Variants in KIF1B observed in about 807,000 individuals in gnomAD.
KIF1B encodes the protein kinesin family member 1B, also known as kinesin-like protein KIF1B.
In KIF1B, 76 loss-of-function variants were observed where a neutral mutation model predicts 241.9. That is an observed-to-expected ratio of 0.31 (90% CI 0.26 to 0.38). The LOEUF (loss-of-function observed/expected upper bound fraction) is 0.38. KIF1B is among the 10% of genes least tolerant of loss of function. The probability of loss-of-function intolerance (pLI) is 1.00; values close to 1 mark genes in which losing one functional copy is unlikely to be tolerated. For synonymous variants in KIF1B, 750 were observed against 796.7 expected (o/e 0.94, Z 0.99); for missense variants, 1,622 against 2,271.4 (o/e 0.71, Z 5.81).
intron 10 of KIF1B, 31 bp downstream of exon 10, chr1:10,273,062 A>G (rs1001108411): frequency 1.3e-6 from 2 of 1,514,150 alleles, no homozygotes; most frequent in Non-Finnish European, 1.8e-6. Context: ...GATAAACTAG[A>G]ATTGACTTTT....
intron 9 of KIF1B, among the ~76,000 whole-genome samples, chr1:10,272,654 A>G (rs896670126): frequency 1.3e-5 from 2 of 149,250 alleles, no homozygotes; most frequent in Non-Finnish European, 3.0e-5. Context: ...AAGATGCAGT[A>G]TCTTTTGGAG....
At chr1:10,215,769 T>A (rs1295815773) in intron 1 of KIF1B, among the ~76,000 whole-genome samples, 3 of 151,860 alleles carry the variant, frequency 2.0e-5, no homozygotes, top group African/African-American at 7.3e-5. Flanking sequence ...CCCAGCCTGG[T>A]CTTGAACTCC....
In KIF1B at chr1:10,317,028, TG is replaced by T. The variant is rs1366153498; in HGVS notation, c.2116-3012del. ...CCTGGGCTCCAGGGATCCCAGGGGCTGGGCATGGTGGCTCACACCTGTAATC... is the reference window on the plus strand; with the variant it reads ...CCTGGGCTCCAGGGATCCCAGGGGCTGGCATGGTGGCTCACACCTGTAATC... On this transcript the variant is annotated intron_variant, in intron 22 of 48. Coordinates refer to ENST00000676179, the MANE Select transcript of KIF1B (RefSeq NM_001365951.3). Among the ~76,000 whole-genome samples the T allele has an allele frequency of 3.3e-5, 5 of 151,522 alleles. 1 individual carries two copies. The highest frequency in any genetic ancestry group is 9.8e-5 in the African/African-American group (4 of 40,848).
At chr1:10,318,059 C>T (rs751114071) in intron 22 of KIF1B, among the ~76,000 whole-genome samples, 3 of 151,154 alleles carry the variant, frequency 2.0e-5, no homozygotes, top group Non-Finnish European at 4.4e-5. Flanking sequence ...CAAACCCAAG[C>T]CTCTTACCAG....
intron 28 of KIF1B, among the ~76,000 whole-genome samples, chr1:10,336,337 C>T (rs1652176639): frequency 1.3e-5 from 2 of 152,088 alleles, no homozygotes; most frequent in South Asian, 4.1e-4. Flanking sequence ...TTAGTAGAGA[C>T]GGGGTTTCAC....
intron 37 of KIF1B, among the ~76,000 whole-genome samples, chr1:10,349,945 A>G (rs1652728684): frequency 6.6e-6 from 1 of 152,250 alleles, no homozygotes; most frequent in South Asian, 2.1e-4. Flanking sequence ...TGAAATAACA[A>G]GATTTAGCAG....
chr1:10,319,597 T>C (rs1651445546), intron 22 of KIF1B, among the ~76,000 whole-genome samples: 1 of 152,196 alleles, frequency 6.6e-6, no homozygotes, highest in African/African-American at 2.4e-5. Context: ...TTTTTTTCCT[T>C]CCAAAGAGTT....
At chr1:10,269,429 C>T (rs374786930) in intron 7 of KIF1B, among the ~76,000 whole-genome samples, 9 of 151,362 alleles carry the variant, frequency 5.9e-5, no homozygotes, top group East Asian at 5.8e-4. Flanking sequence ...GCAGGAGAAT[C>T]GCTTGAACCC....
At chr1:10,347,118 A>C (rs1349295572) in intron 35 of KIF1B, among the ~76,000 whole-genome samples, 1 of 152,226 alleles carries the variant, frequency 6.6e-6, no homozygotes, top group Non-Finnish European at 1.5e-5. Flanking sequence ...TTGTAAAAAC[A>C]CAAATGAAAG....
Position 10,320,071 on chromosome 1 carries a change from A to G in KIF1B, c.2144A>G (p.Gln715Arg), listed in dbSNP as rs1446957081. The G allele has an allele frequency of 1.2e-6, 2 of 1,613,656 alleles. No homozygotes were observed. The highest frequency in any genetic ancestry group is 2.2e-5 in the East Asian group (1 of 44,862). The part of the protein sequence containing the change: ...LDYESKLQAL[Q>R]KQVETRSLAA... ...TATGAGAGTAAATTGCAGGCCTTGC[A>G]GAAGCAGGTTGAAACCCGATCTCTG... The change falls in exon 23 of 49, where the codon CAG (glutamine) becomes CGG (arginine). Residue 715 changes from glutamine (Q) to arginine (R), a missense_variant. By Grantham distance (43) the Gln-to-Arg change is conservative. This residue lies in a region of KIF1B where 803 missense variants were observed against 1,112.0 expected (regional missense o/e 0.72). Coordinates refer to ENST00000676179, the MANE Select transcript of KIF1B (RefSeq NM_001365951.3).
intron 17 of KIF1B, among the ~76,000 whole-genome samples, chr1:10,294,872 T>A (rs1014614588): frequency 6.6e-6 from 1 of 152,082 alleles, no homozygotes; most frequent in East Asian, 1.9e-4. Flanking sequence ...ATTAATTAAT[T>A]AATTAAAATA....
intron 33 of KIF1B, 61 bp downstream of exon 33, chr1:10,342,229 G>A: frequency 9.8e-7 from 1 of 1,023,278 alleles, no homozygotes; most frequent in Non-Finnish European, 1.6e-6. Context: ...TTTCTCAATT[G>A]CTGGAAAGGA....
intron 22 of KIF1B, among the ~76,000 whole-genome samples, chr1:10,317,785 C>T (rs1651362824): frequency 6.7e-6 from 1 of 149,858 alleles, no homozygotes; most frequent in African/African-American, 2.5e-5. Context: ...GAGCCGAGAT[C>T]GCATCACTGC....
rs559307941 is a variant in KIF1B, at chr1:10,336,976, A to G, written c.3130-98A>G. The stretch of plus-strand genomic sequence containing the variant: ...CCTCAGTCCATATAATTTTCCAGTC[A>G]CTATTATTTGTTGGACAGATAAACA... On this transcript the variant is annotated intron_variant, in intron 29 of 48. Transcript: ENST00000676179. 12 of 1,509,292 alleles carry G rather than the reference A, an allele frequency of 8.0e-6. No homozygotes were observed. The East Asian group carries it at 2.5e-4, about 31-fold the overall frequency. 93.5% of individuals were successfully genotyped at this position (1,509,292 alleles called of 1,614,324 possible). A position where few individuals can be genotyped will look rare whatever the true frequency, so the allele number is the denominator to read the frequency against.
At chr1:10,308,360 T>C (rs1247036209) in intron 22 of KIF1B, 1 of 1,051,938 alleles carries the variant, frequency 9.5e-7, no homozygotes, top group Non-Finnish European at 1.1e-6. Flanking sequence ...TATTCTTAGC[T>C]TGAACCACTT....
Position 10,303,681 on chromosome 1 carries a change from A to C in KIF1B, c.2115+6435A>C. 3.7e-6 allele frequency: 6 copies of C among 1,614,212 alleles called. No homozygotes were observed. The highest frequency in any genetic ancestry group is 5.1e-6 in the Non-Finnish European group (6 of 1,180,032). ...ACAAGCTGGAAGATATTTTGCAAGA[A>C]GTCAAAAAGCAAAATAACATGAAAG... On this transcript the variant is annotated intron_variant, in intron 22 of 48. Transcript: ENST00000676179. This position sits in a 1 kb window ranked among gnomAD's most constrained non-coding sequence, Gnocchi z 5.2.
chr1:10,261,576 T>G (rs1648147841), intron 4 of KIF1B, among the ~76,000 whole-genome samples: 1 of 152,172 alleles, frequency 6.6e-6, no homozygotes, highest in Non-Finnish European at 1.5e-5. Context: ...ATTTAAACTT[T>G]TTTGTTAAAA....
intron 27 of KIF1B, among the ~76,000 whole-genome samples, chr1:10,332,514 T>A (rs867560124): frequency 1.1e-4 from 13 of 114,594 alleles, no homozygotes; most frequent in African/African-American, 4.1e-4. Flanking sequence ...TTTTTTTTTT[T>A]TTTTTTTTTT....
chr1:10,336,583 C>T (rs1652188704), intron 28 of KIF1B, 74 bp from the exon 29 acceptor site: 1 of 1,181,078 alleles, frequency 8.5e-7, no homozygotes. Context: ...AGTTTATAAT[C>T]CAGCAAGAGC....
Sources: allele counts gnomAD v4.1 joint callset (sites outside exome capture counted in the v4.1 genomes callset), GRCh38; gene constraint gnomAD v4.1.1; regional missense constraint gnomAD v4.1.1; non-coding constraint Gnocchi (gnomAD v3.1); transcripts MANE v1.5; gene names NCBI Gene and HGNC (gene_info 2026-07-23, HGNC 2026-07-21).